Variants in RARB observed in about 807,000 individuals in gnomAD.
RARB encodes the protein retinoic acid receptor beta, also known as HBV-activated protein.
RARB carries 17 observed loss-of-function variants against 51.9 expected under a neutral mutation model. The observed-to-expected ratio is 0.33, with a 90% confidence interval of 0.22 to 0.49. RARB has a LOEUF of 0.49. Ranked by LOEUF, RARB falls within the 20% of genes least tolerant of loss-of-function variation. RARB has a pLI of 0.99. For missense variants in RARB, 369 were observed against 550.8 expected, an observed-to-expected ratio of 0.67 and a Z score of 3.30; for synonymous variants, 215 against 195.4, an observed-to-expected ratio of 1.10 and a Z score of -0.84.
intron 3 of RARB, among the ~76,000 whole-genome samples, chr3:25,082,637 A>G (rs116713803): frequency 0.012 from 1,867 of 152,070 alleles, 36 homozygotes; most frequent in African/African-American, 0.043. Context: ...GCACATTGTT[A>G]TTATTCTTGC....
intron 2 of RARB, chr3:25,020,451 A>C (rs1242769112): frequency 1.3e-5 from 2 of 152,068 alleles, no homozygotes; most frequent in Admixed American, 1.3e-4. Context: ...CTACAGGTGC[A>C]CCTCTATAAA....
intron 2 of RARB, among the ~76,000 whole-genome samples, chr3:24,920,392 G>T (rs891903689): frequency 3.3e-5 from 5 of 152,086 alleles, no homozygotes; most frequent in Admixed American, 2.0e-4. Context: ...CTTCAAATCA[G>T]GAAATCTAAA....
chr3:25,197,487 G>A (rs1701274020), intron 5 of RARB, among the ~76,000 whole-genome samples: 1 of 151,974 alleles, frequency 6.6e-6, no homozygotes, highest in East Asian at 1.9e-4. Flanking sequence ...CCAAATTGAA[G>A]GAGGAAGTCA....
At chr3:24,931,404 T>C (rs1183752165) in intron 2 of RARB, among the ~76,000 whole-genome samples, 1 of 152,014 alleles carries the variant, frequency 6.6e-6, no homozygotes, top group Non-Finnish European at 1.5e-5. Context: ...ACTTCCCCTT[T>C]AGCTAGGGTA....
chr3:25,192,407 T>C (rs946605307), intron 5 of RARB, among the ~76,000 whole-genome samples: 1 of 152,106 alleles, frequency 6.6e-6, no homozygotes, highest in Non-Finnish European at 1.5e-5. Flanking sequence ...AGGGAAATGA[T>C]GGAGCATAAG....
rs55771334 is a variant in RARB at position 24,840,742 on chromosome 3, T to TAAAAAAAAAAAAAAAAAAAAAAAA, written c.-459+11341_-459+11364dup. 2.8e-5 allele frequency among the ~76,000 whole-genome samples: 2 copies of TAAAAAAAAAAAAAAAAAAAAAAAA among 70,342 alleles called. 1 individual carries two copies. 46.1% of individuals were successfully genotyped at this position (70,342 alleles called of 152,430 possible). Reference sequence around the variant, plus strand: ...TTCTTTAGTTAGGCATGAGTAAGAGTAAAAAAAAAAAAAAAAAAAAAAAAA... The same window carrying TAAAAAAAAAAAAAAAAAAAAAAAA: ...TTCTTTAGTTAGGCATGAGTAAGAGTAAAAAAAAAAAAAAAAAAAAAAAAAAAAAAAAAAAAAAAAAAAAAAAAA... On this transcript the variant is annotated intron_variant, in intron 1 of 11. Coordinates refer to the RARB transcript ENST00000383772.
chr3:24,871,475 G>A (rs2125349525), intron 2 of RARB, among the ~76,000 whole-genome samples: 1 of 152,110 alleles, frequency 6.6e-6, no homozygotes, highest in South Asian at 2.1e-4. Flanking sequence ...CTCAGTGATT[G>A]CTCCTTTTCA....
chr3:25,585,869 A>T (rs1232924567), intron 5 of RARB, among the ~76,000 whole-genome samples: 1 of 152,184 alleles, frequency 6.6e-6, no homozygotes, highest in Non-Finnish European at 1.5e-5. Flanking sequence ...GTGGAGCCAG[A>T]TGTTGAACCC....
chr3:25,350,811 G>A (rs572868019), intron 5 of RARB, among the ~76,000 whole-genome samples: 3 of 152,322 alleles, frequency 2.0e-5, no homozygotes, highest in African/African-American at 7.2e-5. Flanking sequence ...TATGATGCAG[G>A]GGCTATGGCT....
intron 5 of RARB, among the ~76,000 whole-genome samples, chr3:25,196,519 C>T (rs1339500880): frequency 2.6e-5 from 4 of 151,942 alleles, no homozygotes; most frequent in African/African-American, 7.3e-5. Flanking sequence ...TGAATAGTGC[C>T]GCAATAAACA....
At chr3:25,011,283 TGAG>T (rs975148629) in intron 2 of RARB, among the ~76,000 whole-genome samples, 1 of 152,028 alleles carries the variant, frequency 6.6e-6, no homozygotes, top group African/African-American at 2.4e-5. Context: ...CGGGGGAAGT[TGAG>T]GAGAGGTTGC....
chr3:24,860,047 C>A (rs994011268), intron 2 of RARB, among the ~76,000 whole-genome samples: 3 of 152,130 alleles, frequency 2.0e-5, no homozygotes, highest in African/African-American at 4.8e-5. Flanking sequence ...TAAAACAAGT[C>A]AAGTTCTGTG....
chr3:24,892,625 C>G (rs917835024), intron 2 of RARB, among the ~76,000 whole-genome samples: 1 of 152,136 alleles, frequency 6.6e-6, no homozygotes, highest in Non-Finnish European at 1.5e-5. Flanking sequence ...GACCCTGACT[C>G]CTGGAATGCA....
chr3:25,225,049 A>G (rs1702025714), intron 5 of RARB, among the ~76,000 whole-genome samples: 1 of 152,198 alleles, frequency 6.6e-6, no homozygotes, highest in Non-Finnish European at 1.5e-5. Context: ...TTAAAATAAA[A>G]CTGAATTGTG....
In RARB at chr3:25,158,212, G is replaced by A. The variant is rs75339769; in HGVS notation, c.-279-15907G>A. Among the ~76,000 whole-genome samples the A allele has an allele frequency of 5.4e-3, 827 of 152,142 alleles. 21 individuals carry two copies. The East Asian group carries it at 0.068, about 12-fold the overall frequency. ...TTCCCATATCTTTATCCTGGGGACT[G>A]GCTACCATAATTTTACCTGAGAGAT... On this transcript the variant is annotated intron_variant, in intron 4 of 11. Transcript: ENST00000383772.
At chr3:25,000,937 A>C (rs1697146409) in intron 2 of RARB, among the ~76,000 whole-genome samples, 1 of 152,162 alleles carries the variant, frequency 6.6e-6, no homozygotes, top group Non-Finnish European at 1.5e-5. Flanking sequence ...TAGTTTTCAC[A>C]TAGCAGTTGA....
At chr3:25,046,670 G>A (rs1287616038) in intron 2 of RARB, among the ~76,000 whole-genome samples, 1 of 151,936 alleles carries the variant, frequency 6.6e-6, no homozygotes, top group Non-Finnish European at 1.5e-5. Flanking sequence ...GGTCAGGCTG[G>A]TTTCAAACTC....
intron 2 of RARB, among the ~76,000 whole-genome samples, chr3:24,914,154 T>A (rs1041518327): frequency 2.0e-5 from 3 of 152,202 alleles, no homozygotes; most frequent in African/African-American, 7.2e-5. Flanking sequence ...ACCTTCTATA[T>A]GCTCCAACAT....
At chr3:25,346,210 C>A (rs1559366133) in intron 5 of RARB, among the ~76,000 whole-genome samples, 1 of 152,102 alleles carries the variant, frequency 6.6e-6, no homozygotes, top group African/African-American at 2.4e-5. Context: ...TTCTTTTTTG[C>A]CATTTCCTTA....
Sources: gnomAD v4.1 joint callset for allele counts (sites outside exome capture counted in the v4.1 genomes callset) on GRCh38, gnomAD v4.1.1 for gene constraint, MANE v1.5 for transcripts, NCBI Gene and HGNC (gene_info 2026-07-23, HGNC 2026-07-21) for gene names.